The following STEAP2 variants were observed in gnomAD, a reference collection of about 807,000 sequenced individuals.
The protein encoded by STEAP2 is metalloreductase STEAP2.
Under a neutral mutation model 46.4 loss-of-function variants are expected in STEAP2, and 30 were observed. The ratio of observed to expected loss-of-function variants is 0.65; its 90% CI spans 0.48 to 0.88. The LOEUF is 0.88. Ranked by LOEUF, STEAP2 falls within the 40% of genes least tolerant of loss-of-function variation. The pLI is 0.00. For missense variants in STEAP2, 513 were observed against 579.3 expected, an observed-to-expected ratio of 0.89 and a Z score of 1.18; for synonymous variants, 180 against 200.5, an observed-to-expected ratio of 0.90 and a Z score of 0.86.
downstream of STEAP2, among the ~76,000 whole-genome samples, chr7:90,242,864 A>G (rs902382418): frequency 6.6e-6 from 1 of 152,212 alleles, no homozygotes; most frequent in Non-Finnish European, 1.5e-5. Context: ...TGTAGAGATG[A>G]AAGAAAAACA....
Position 90,227,330 on chromosome 7 carries a change from C to T in STEAP2, c.852C>T (p.Tyr284=), listed in dbSNP as rs2016903. 336,130 of 1,613,626 alleles carry T rather than the reference C, an allele frequency of 0.21. 38,892 individuals are homozygous for T. The highest frequency in any genetic ancestry group is 0.24 in the Non-Finnish European group (282,843 of 1,179,700). The part of the protein sequence containing the change: ...GLLAAAYQLY[Y]GTKYRRFPPW... ...TGGCAGCTGCTTATCAACTTTATTACGGCACCAAGTATAGGAGATTTCCAC... is the reference window on the plus strand; with the variant it reads ...TGGCAGCTGCTTATCAACTTTATTATGGCACCAAGTATAGGAGATTTCCAC... Residue 284 remains tyrosine (Y), a synonymous_variant, in exon 4 of 6, where the codon TAC becomes TAT. Coordinates refer to ENST00000394621, the MANE Select transcript of STEAP2 (RefSeq NM_001244944.2).
downstream of STEAP2, among the ~76,000 whole-genome samples, chr7:90,237,861 T>A (rs1796008879): frequency 6.6e-6 from 1 of 152,082 alleles, no homozygotes. Flanking sequence ...TAAGCATCTT[T>A]AAATCAGAAC....
At position 90,225,313 on chromosome 7, in the gene STEAP2, T is replaced by C. The variant is rs750490495; in HGVS notation, c.231T>C (p.Thr77=). The C allele has an allele frequency of 6.2e-7, 1 of 1,614,012 alleles. No individual in the cohort carries two copies. The highest frequency in any genetic ancestry group is 1.1e-5 in the South Asian group (1 of 91,084). The change falls in exon 3 of 6, where the codon ACT becomes ACC. Residue 77 remains threonine (T), a synonymous_variant. Coordinates refer to ENST00000394621, the MANE Select transcript of STEAP2 (RefSeq NM_001244944.2). ...TTTTTCCTCATGTGGTAGATGTCAC[T>C]CATCATGAAGATGCTCTCACAAAAA... ...SEFFPHVVDV[T]HHEDALTKTN...
At chr7:90,231,675 G>A (rs1405210658) in intron 5 of STEAP2, among the ~76,000 whole-genome samples, 1 of 151,982 alleles carries the variant, frequency 6.6e-6, no homozygotes, top group Non-Finnish European at 1.5e-5. Flanking sequence ...CGTTGTATAT[G>A]CAGTCCATAG....
chr7:90,230,705 A>C lies in STEAP2; in HGVS notation c.1185+669A>C, dbSNP rs184232309. Among the ~76,000 whole-genome samples the C allele has an allele frequency of 1.6e-4, 25 of 152,160 alleles. No homozygotes were observed. In the East Asian group the frequency reaches 4.6e-3, roughly 28 times the overall value. On this transcript the variant is annotated intron_variant, in intron 5 of 5. Coordinates refer to ENST00000394621, the MANE Select transcript of STEAP2 (RefSeq NM_001244944.2). Reference sequence around the variant, plus strand: ...AATAATAAGGTTGCATATTTTAAAAATATATAACTGAAACATAGACCCTTC... The same window carrying C: ...AATAATAAGGTTGCATATTTTAAAACTATATAACTGAAACATAGACCCTTC...
chr7:90,237,769 T>C, downstream of STEAP2: 1 of 212,086 alleles, frequency 4.7e-6, no homozygotes, highest in East Asian at 9.7e-5. Context: ...AGGGGTTTTG[T>C]TTGTTTTTAC....
chr7:90,221,531 C>T (rs1795257844), intron 2 of STEAP2, among the ~76,000 whole-genome samples: 1 of 152,008 alleles, frequency 6.6e-6, no homozygotes, highest in Admixed American at 6.6e-5. Flanking sequence ...GTTTCTTGTA[C>T]CCAGCATATA....
intron 1 of STEAP2, chr7:90,216,241 C>T (rs532999852): frequency 1.3e-5 from 2 of 152,178 alleles, no homozygotes; most frequent in South Asian, 4.2e-4. Flanking sequence ...TAAAGAGGTC[C>T]CCAGGTGATC....
At chr7:90,231,547 G>A (rs1219089291) in intron 5 of STEAP2, among the ~76,000 whole-genome samples, 2 of 151,878 alleles carry the variant, frequency 1.3e-5, no homozygotes, top group African/African-American at 4.8e-5. Context: ...TGTACAGCAT[G>A]TTACTGTACT....
intron 1 of STEAP2, 90 bp from the exon 2 acceptor site, chr7:90,216,401 A>G (rs1344011253): frequency 2.6e-5 from 4 of 152,198 alleles, no homozygotes; most frequent in Admixed American, 1.3e-4. Flanking sequence ...TCATGGAAAT[A>G]TTCCGAATTT....
chr7:90,236,737 G>T lies in STEAP2; in HGVS notation c.*4113G>T. ...GTTTTTTTTAACTTTCTAAATTATTGAATTTCCATCATGCATTCATCCAAA... is the reference window on the plus strand; with the variant it reads ...GTTTTTTTTAACTTTCTAAATTATTTAATTTCCATCATGCATTCATCCAAA... On this transcript the variant is annotated 3_prime_UTR_variant, in exon 6 of 6. Coordinates refer to ENST00000394621, the MANE Select transcript of STEAP2 (RefSeq NM_001244944.2). 7.2e-7 allele frequency: 1 copy of T among 1,394,510 alleles called. No individual in the cohort carries two copies. The highest frequency in any genetic ancestry group is 9.3e-7 in the Non-Finnish European group (1 of 1,077,192). The allele number at this position is 1,394,510 out of a possible 1,614,324, so 86.4% of individuals were successfully genotyped here.
At chr7:90,232,233 G>GT (rs1584249818) in intron 5 of STEAP2, 104 bp from the exon 6 acceptor site, 2 of 1,328,818 alleles carry the variant, frequency 1.5e-6, no homozygotes, top group East Asian at 2.6e-5. Flanking sequence ...AGACAAAATA[G>GT]TTTTATCAAA....
intron 3 of STEAP2, among the ~76,000 whole-genome samples, chr7:90,225,856 T>A (rs1795467918): frequency 1.3e-5 from 2 of 152,218 alleles, no homozygotes; most frequent in African/African-American, 4.8e-5. Flanking sequence ...CAAGCTTTTA[T>A]AAGTAAACAC....
intron 5 of STEAP2, among the ~76,000 whole-genome samples, chr7:90,230,649 G>A (rs1420470190): frequency 6.6e-6 from 1 of 151,884 alleles, no homozygotes; most frequent in African/African-American, 2.4e-5. Context: ...TCTTTAATAA[G>A]TTAAACATTC....
At chr7:90,226,082 CT>C (rs1251234967) in intron 3 of STEAP2, among the ~76,000 whole-genome samples, 1 of 152,132 alleles carries the variant, frequency 6.6e-6, no homozygotes, top group Non-Finnish European at 1.5e-5. Context: ...ATAGGCTCTT[CT>C]ACAGGCTATT....
Position 90,225,553 on chromosome 7 carries a change from A to G in STEAP2, c.471A>G (p.Gly157=). 3 of 1,597,604 alleles carry G rather than the reference A, an allele frequency of 1.9e-6. No individual in the cohort carries two copies. Among genetic ancestry groups the G allele is most frequent in the Non-Finnish European group, 2.6e-6 (3 of 1,173,790 alleles). The change falls in exon 3 of 6, where the codon GGA becomes GGG. Residue 157 remains glycine, a synonymous_variant. Coordinates refer to ENST00000394621, the MANE Select transcript of STEAP2 (RefSeq NM_001244944.2). The part of the protein sequence containing the change: ...NVVSAWALQL[G]PKDASRQVYI... ...TCTCAGCTTGGGCACTTCAGTTAGG[A>G]CCTAAGGATGCCAGCCGGCAGGTAT...
chr7:90,217,863 G>C (rs970535889), intron 2 of STEAP2, among the ~76,000 whole-genome samples: 2 of 152,016 alleles, frequency 1.3e-5, no homozygotes. Context: ...GTCCACAGAG[G>C]CTGTACTAAT....
At chr7:90,239,415 T>A (rs1313529797), downstream of STEAP2, among the ~76,000 whole-genome samples, 1 of 152,210 alleles carries the variant, frequency 6.6e-6, no homozygotes, top group Non-Finnish European at 1.5e-5. Context: ...CAGTCTGTGG[T>A]ATTTGTTACA....
downstream of STEAP2, among the ~76,000 whole-genome samples, chr7:90,240,002 T>A (rs1584259027): frequency 1.3e-5 from 2 of 152,194 alleles, no homozygotes; most frequent in South Asian, 4.1e-4. The surrounding 1 kb of genome is among the most constrained non-coding windows in gnomAD (Gnocchi z 4.1). Flanking sequence ...CTGGGAGCGG[T>A]GGCTCACGCC....
Sources: allele counts gnomAD v4.1 joint callset (sites outside exome capture counted in the v4.1 genomes callset), GRCh38; gene constraint gnomAD v4.1.1; non-coding constraint Gnocchi (gnomAD v3.1); transcripts MANE v1.5; gene names NCBI Gene and HGNC (gene_info 2026-07-23, HGNC 2026-07-21).